PTPRG: variants seen among roughly 807,000 people sequenced by gnomAD.
PTPRG encodes the protein receptor-type tyrosine-protein phosphatase gamma.
A neutral mutation model predicts 165.3 loss-of-function variants in PTPRG; 102 were observed. The ratio of observed to expected loss-of-function variants is 0.62; its 90% CI spans 0.53 to 0.73. The LOEUF (loss-of-function observed/expected upper bound fraction) is 0.73, where lower values mean the gene tolerates loss of function less well. Ranked by LOEUF, PTPRG falls within the 30% of genes least tolerant of loss-of-function variation. The pLI, the probability that PTPRG is intolerant of heterozygous loss-of-function variation, is 0.00. For synonymous variants in PTPRG, 675 were observed against 669.5 expected, an observed-to-expected ratio of 1.01 and a Z score of -0.13; for missense variants, 1,866 against 1,861.4, an observed-to-expected ratio of 1.00 and a Z score of -0.05.
chr3:61,619,238 CA>C (rs1263731748), intron 1 of PTPRG, among the ~76,000 whole-genome samples: 1 of 152,032 alleles, frequency 6.6e-6, no homozygotes, highest in African/African-American at 2.4e-5. Flanking sequence ...TTCTGTGCTC[CA>C]AAAAGGATGG....
At chr3:61,908,982 T>G (rs1195595646) in intron 2 of PTPRG, among the ~76,000 whole-genome samples, 1 of 152,198 alleles carries the variant, frequency 6.6e-6, no homozygotes, top group East Asian at 1.9e-4. Flanking sequence ...AGATATGCTA[T>G]CTTTTCTCAG....
At chr3:61,912,086 A>C (rs2038815461) in intron 2 of PTPRG, among the ~76,000 whole-genome samples, 1 of 152,038 alleles carries the variant, frequency 6.6e-6, no homozygotes, top group African/African-American at 2.4e-5. Context: ...AGTCCTCAGG[A>C]TCTTATCTAG....
At chr3:61,596,379 C>G (rs1271252655) in intron 1 of PTPRG, among the ~76,000 whole-genome samples, 1 of 152,094 alleles carries the variant, frequency 6.6e-6, no homozygotes, top group East Asian at 1.9e-4. Context: ...GGAATTTTTG[C>G]AAGAGAAAAA....
chr3:61,571,245 G>A (rs553158023), intron 1 of PTPRG, among the ~76,000 whole-genome samples: 2 of 152,312 alleles, frequency 1.3e-5, no homozygotes, highest in East Asian at 1.9e-4. Context: ...CAAGGTCACC[G>A]GGGTAGCAAG....
chr3:61,965,532 A>G (rs1418030698), intron 2 of PTPRG, among the ~76,000 whole-genome samples: 3 of 151,186 alleles, frequency 2.0e-5, no homozygotes, highest in South Asian at 2.1e-4. Context: ...CTTAGGGTGG[A>G]CTTACTTTAA....
intron 2 of PTPRG, among the ~76,000 whole-genome samples, chr3:61,908,228 C>G (rs1260265773): frequency 1.3e-5 from 2 of 150,490 alleles, no homozygotes; most frequent in Non-Finnish European, 2.9e-5. Context: ...GAGTTCGAGA[C>G]CAGCCTGGCC....
At chr3:61,989,490 T>G in intron 2 of PTPRG, 135 bp from the exon 3 acceptor site, 1 of 782,178 alleles carries the variant, frequency 1.3e-6, no homozygotes, top group Non-Finnish European at 2.0e-6. Flanking sequence ...ATGGCTTTGA[T>G]TCATAGTTTT....
intron 2 of PTPRG, among the ~76,000 whole-genome samples, chr3:61,889,055 A>G (rs1291013816): frequency 9.9e-5 from 15 of 152,202 alleles, no homozygotes; most frequent in Non-Finnish European, 2.1e-4. Context: ...TAAAGCTAAT[A>G]ATGTTTTCTC....
intron 1 of PTPRG, among the ~76,000 whole-genome samples, chr3:61,585,827 A>G (rs1161543626): frequency 1.3e-5 from 2 of 152,254 alleles, no homozygotes; most frequent in East Asian, 1.9e-4. Flanking sequence ...TAGGAGATGA[A>G]TGATGAAGAT....
intron 4 of PTPRG, among the ~76,000 whole-genome samples, chr3:62,038,002 A>T (rs1210072386): frequency 1.3e-5 from 2 of 152,168 alleles, no homozygotes; most frequent in Non-Finnish European, 2.9e-5. Flanking sequence ...TTTAGTCCTT[A>T]ACACTGAGCC....
chr3:61,562,637 G>C (rs1699790761), intron 1 of PTPRG, among the ~76,000 whole-genome samples: 1 of 151,882 alleles, frequency 6.6e-6, no homozygotes, highest in African/African-American at 2.4e-5. Flanking sequence ...CTCCCTTTTG[G>C]GGGTCCTGGG....
intron 4 of PTPRG, among the ~76,000 whole-genome samples, chr3:62,075,693 T>G (rs13434092): frequency 0.028 from 4,299 of 152,286 alleles, 193 homozygotes; most frequent in African/African-American, 0.099. Context: ...TTGAGTTAAT[T>G]CAGTCATCAG....
chr3:62,016,758 C>A (rs1225397934), intron 4 of PTPRG, among the ~76,000 whole-genome samples: 1 of 152,176 alleles, frequency 6.6e-6, no homozygotes, highest in Non-Finnish European at 1.5e-5. Context: ...AAAGATCTTA[C>A]CTTGGCCTAC....
At position 61,800,673 on chromosome 3, in the gene PTPRG, T is replaced by TTG. The variant is rs1553671184; in HGVS notation, c.190+51691_190+51692insTG. On this transcript the variant is annotated intron_variant, in intron 2 of 29. Transcript: ENST00000474889. ...GCACGGTACTCTGTTTTTTTTTTTTTGTTCTTGTTGCCCAGGCTGGAGTGC... is the reference window on the plus strand; with the variant it reads ...GCACGGTACTCTGTTTTTTTTTTTTTTGGTTCTTGTTGCCCAGGCTGGAGTGC... Among the ~76,000 whole-genome samples the TTG allele has an allele frequency of 1.8e-3, 276 of 151,232 alleles. 2 individuals are homozygous for TTG. Among genetic ancestry groups the TTG allele is most frequent in the Middle Eastern group, 3.4e-3 (1 of 292 alleles).
At position 62,210,728 on chromosome 3, in the gene PTPRG, A is replaced by G. The variant is rs1488981552; in HGVS notation, c.2155+6778A>G. 1.3e-5 allele frequency among the ~76,000 whole-genome samples: 2 copies of G among 152,144 alleles called. No homozygotes were observed. Among genetic ancestry groups the G allele is most frequent in the Non-Finnish European group, 2.9e-5 (2 of 68,038 alleles). On this transcript the variant is annotated intron_variant, in intron 12 of 29. Coordinates refer to ENST00000474889, the MANE Select transcript of PTPRG (RefSeq NM_002841.4). This position sits in a 1 kb window ranked among gnomAD's most constrained non-coding sequence, Gnocchi z 4.1. ...GATGATGAGAATGAAGACCTTTATGATGACCCACTTCCACTTAATGAATAG... is the reference window on the plus strand; with the variant it reads ...GATGATGAGAATGAAGACCTTTATGGTGACCCACTTCCACTTAATGAATAG...
chr3:61,743,256 A>T, intron 1 of PTPRG: 1 of 649,478 alleles, frequency 1.5e-6, no homozygotes, highest in East Asian at 2.8e-5. Flanking sequence ...CCTGTCACTC[A>T]TTCAGCTCTC....
At chr3:61,566,474 C>T (rs1034154527) in intron 1 of PTPRG, among the ~76,000 whole-genome samples, 9 of 152,200 alleles carry the variant, frequency 5.9e-5, no homozygotes, top group Non-Finnish European at 1.0e-4. Context: ...TCAGGAGCCT[C>T]TCCTACTCCC....
chr3:61,771,955 G>A (rs2034218555), intron 2 of PTPRG, among the ~76,000 whole-genome samples: 1 of 150,922 alleles, frequency 6.6e-6, no homozygotes, highest in African/African-American at 2.4e-5. Flanking sequence ...AGCTACTCAG[G>A]AGGCTGAGGC....
chr3:61,750,951 T>C (rs979999107), intron 2 of PTPRG: 12 of 152,170 alleles, frequency 7.9e-5, no homozygotes, highest in African/African-American at 2.7e-4. Context: ...AGGAGAGTCA[T>C]TTGAGGAATT....
Sources: gnomAD v4.1 joint callset for allele counts (sites outside exome capture counted in the v4.1 genomes callset) on GRCh38, gnomAD v4.1.1 for gene constraint, Gnocchi (gnomAD v3.1) non-coding constraint, MANE v1.5 for transcripts, NCBI Gene and HGNC (gene_info 2026-07-23, HGNC 2026-07-21) for gene names.